Variants in FAM171A1 observed in about 807,000 individuals in gnomAD.
The protein encoded by FAM171A1 is family with sequence similarity 171 member A1.
Under a neutral mutation model 74.9 loss-of-function variants are expected in FAM171A1, and 23 were observed. That is an observed-to-expected ratio of 0.31 (90% CI 0.22 to 0.44). The LOEUF is 0.44. Ranked by LOEUF, FAM171A1 falls within the 20% of genes least tolerant of loss-of-function variation. FAM171A1 has a pLI of 1.00. For missense variants in FAM171A1, 1,162 were observed against 1,159.2 expected (o/e 1.00, Z -0.03); for synonymous variants, 527 against 505.7 (o/e 1.04, Z -0.57).
At chr10:15,283,600 C>A (rs568428955) in intron 2 of FAM171A1, among the ~76,000 whole-genome samples, 1 of 152,146 alleles carries the variant, frequency 6.6e-6, no homozygotes, top group East Asian at 1.9e-4. Context: ...TCATTTTATT[C>A]TTGAAGCAGG....
intron 2 of FAM171A1, among the ~76,000 whole-genome samples, chr10:15,282,209 G>T (rs1422212058): frequency 6.6e-5 from 10 of 151,982 alleles, no homozygotes; most frequent in Admixed American, 3.3e-4. Context: ...CTCCAGAGTC[G>T]CTGGGATTAC....
At chr10:15,263,212 G>T (rs1260134766) in intron 3 of FAM171A1, among the ~76,000 whole-genome samples, 1 of 152,148 alleles carries the variant, frequency 6.6e-6, no homozygotes, top group South Asian at 2.1e-4. Flanking sequence ...CGTTGTTTCT[G>T]AGACAGCGTG....
chr10:15,321,738 T>C (rs2131848472), intron 1 of FAM171A1, among the ~76,000 whole-genome samples: 1 of 152,332 alleles, frequency 6.6e-6, no homozygotes, highest in Non-Finnish European at 1.5e-5. Flanking sequence ...GGTTTGAGCA[T>C]TAAGTCAAAA....
At chr10:15,301,478 C>A (rs555799503) in intron 1 of FAM171A1, among the ~76,000 whole-genome samples, 1 of 152,094 alleles carries the variant, frequency 6.6e-6, no homozygotes, top group South Asian at 2.1e-4. Flanking sequence ...GCTGGGATTA[C>A]AGGCATGAGC....
intron 3 of FAM171A1, among the ~76,000 whole-genome samples, chr10:15,271,041 G>C (rs1834817920): frequency 6.6e-6 from 1 of 152,210 alleles, no homozygotes; most frequent in Non-Finnish European, 1.5e-5. Flanking sequence ...ACTTTGATGA[G>C]CTGACAGAAG....
intron 5 of FAM171A1, among the ~76,000 whole-genome samples, chr10:15,224,476 AC>A: frequency 6.6e-6 from 1 of 152,120 alleles, no homozygotes; most frequent in South Asian, 2.1e-4. Flanking sequence ...CCTCTCTTCT[AC>A]CCCTGATAGG....
chr10:15,237,760 T>C (rs1179082819), intron 5 of FAM171A1: 1 of 136,094 alleles, frequency 7.3e-6, no homozygotes, highest in African/African-American at 2.8e-5. Context: ...TCGCTTTTTT[T>C]TTTTGCAGGT....
chr10:15,325,486 C>T (rs567761084), intron 1 of FAM171A1, among the ~76,000 whole-genome samples: 5 of 152,232 alleles, frequency 3.3e-5, no homozygotes, highest in East Asian at 1.9e-4. Flanking sequence ...CCAGCTTGAG[C>T]GACAGAGTGA....
intron 5 of FAM171A1, among the ~76,000 whole-genome samples, chr10:15,228,635 C>T (rs568880126): frequency 4.6e-5 from 7 of 152,328 alleles, no homozygotes; most frequent in South Asian, 4.1e-4. Flanking sequence ...GCGTGCGCCC[C>T]GCGCCAGCCC....
chr10:15,260,533 A>T (rs1042786951), intron 3 of FAM171A1, among the ~76,000 whole-genome samples: 11 of 152,184 alleles, frequency 7.2e-5, no homozygotes, highest in African/African-American at 2.4e-4. Context: ...CTCCTGGATA[A>T]GCACTGCTTT....
intron 1 of FAM171A1, among the ~76,000 whole-genome samples, chr10:15,304,191 A>G (rs1460924922): frequency 6.6e-6 from 1 of 152,176 alleles, no homozygotes; most frequent in Admixed American, 6.5e-5. Flanking sequence ...TTATGTAGCT[A>G]CTCATAACTG....
intron 1 of FAM171A1, among the ~76,000 whole-genome samples, chr10:15,351,008 C>A (rs1031757584): frequency 6.6e-6 from 1 of 152,104 alleles, no homozygotes; most frequent in African/African-American, 2.4e-5. Context: ...CCCTGGGAAG[C>A]CCCCCTTGAA....
At chr10:15,256,311 C>A (rs1834580134) in intron 3 of FAM171A1, among the ~76,000 whole-genome samples, 1 of 152,318 alleles carries the variant, frequency 6.6e-6, no homozygotes, top group South Asian at 2.1e-4. Flanking sequence ...TAGCCCAAGT[C>A]TCTCTTCTTA....
At chr10:15,319,380 G>A (rs1380494994) in intron 1 of FAM171A1, among the ~76,000 whole-genome samples, 11 of 152,204 alleles carry the variant, frequency 7.2e-5, no homozygotes, top group Non-Finnish European at 2.9e-5. Context: ...GACTCAGAGG[G>A]AAGGATGGGA....
intron 1 of FAM171A1, among the ~76,000 whole-genome samples, chr10:15,306,384 A>G (rs148777886): frequency 8.5e-4 from 126 of 147,674 alleles, no homozygotes; most frequent in African/African-American, 2.7e-3. Context: ...TTTTTTTTTG[A>G]GAGACAGTCT....
At chr10:15,242,024 T>C (rs1834370248) in intron 5 of FAM171A1, among the ~76,000 whole-genome samples, 1 of 152,232 alleles carries the variant, frequency 6.6e-6, no homozygotes, top group Non-Finnish European at 1.5e-5. Flanking sequence ...CATTTCTGGC[T>C]GTTAAACAAT....
chr10:15,221,102 G>T, intron 5 of FAM171A1, 42 bp from the exon 6 acceptor site: 1 of 1,493,720 alleles, frequency 6.7e-7, no homozygotes, highest in Non-Finnish European at 9.3e-7. Context: ...AGCACACCAC[G>T]CTCCTTTGTA....
intron 1 of FAM171A1, among the ~76,000 whole-genome samples, chr10:15,357,031 C>T (rs1251712942): frequency 1.3e-5 from 2 of 152,110 alleles, no homozygotes; most frequent in African/African-American, 2.4e-5. Flanking sequence ...GTAATCCCAG[C>T]ACTTTGGGAA....
Position 15,212,265 on chromosome 10 carries a change from C to T in FAM171A1, c.*650G>A, listed in dbSNP as rs1833898952. 1 of 153,138 alleles carries T rather than the reference C, an allele frequency of 6.5e-6. No homozygotes were observed. 9.5% of individuals were successfully genotyped at this position (153,138 alleles called of 1,614,324 possible). A position where few individuals can be genotyped will look rare whatever the true frequency, so the allele number is the denominator to read the frequency against. ...AAGGCTTGGATGTTAAGAGAGGACA[C>T]TCAGCGGTTCCTGAAGGGAGACGCT... On this transcript the variant is annotated 3_prime_UTR_variant, in exon 8 of 8. Coordinates refer to ENST00000378116, the MANE Select transcript of FAM171A1 (RefSeq NM_001010924.2).
Sources: allele counts gnomAD v4.1 joint callset (sites outside exome capture counted in the v4.1 genomes callset), GRCh38; gene constraint gnomAD v4.1.1; transcripts MANE v1.5; gene names NCBI Gene and HGNC (gene_info 2026-07-23, HGNC 2026-07-21).